NKAIN3: variants seen among roughly 807,000 people sequenced by gnomAD.
NKAIN3 encodes sodium/potassium-transporting ATPase subunit beta-1-interacting protein 3.
A neutral mutation model predicts 30.2 loss-of-function variants in NKAIN3; 25 were observed. The ratio of observed to expected loss-of-function variants is 0.83; its 90% CI spans 0.60 to 1.16. The LOEUF is 1.16. NKAIN3 is among the 50% of genes most tolerant of loss of function. The pLI, the probability that NKAIN3 is intolerant of heterozygous loss-of-function variation, is 0.00. For missense variants in NKAIN3, 225 were observed against 254.1 expected (o/e 0.89, Z 0.78); for synonymous variants, 91 against 89.6 (o/e 1.02, Z -0.09).
chr8:62,706,246 A>G (rs1411920197), intron 3 of NKAIN3, among the ~76,000 whole-genome samples: 1 of 152,096 alleles, frequency 6.6e-6, no homozygotes, highest in Non-Finnish European at 1.5e-5. Context: ...TCAGTATGGT[A>G]CATACACACA....
chr8:62,585,262 C>T (rs1030658985), intron 2 of NKAIN3, among the ~76,000 whole-genome samples: 1 of 152,134 alleles, frequency 6.6e-6, no homozygotes, highest in Non-Finnish European at 1.5e-5. Context: ...GGAGGCCTCT[C>T]GGCAAAGACT....
chr8:62,608,197 G>A (rs940908278), intron 3 of NKAIN3, among the ~76,000 whole-genome samples: 1 of 152,044 alleles, frequency 6.6e-6, no homozygotes, highest in African/African-American at 2.4e-5. Flanking sequence ...GGCAATTCTT[G>A]TATTTTGCTT....
chr8:62,599,235 C>A (rs1810920872), intron 3 of NKAIN3, among the ~76,000 whole-genome samples: 1 of 152,032 alleles, frequency 6.6e-6, no homozygotes, highest in Non-Finnish European at 1.5e-5. Context: ...TTTGTTACCG[C>A]AGGCTTGAGT....
At chr8:62,795,788 A>T (rs1817842157) in intron 4 of NKAIN3, among the ~76,000 whole-genome samples, 1 of 152,166 alleles carries the variant, frequency 6.6e-6, no homozygotes, top group African/African-American at 2.4e-5. Context: ...AGGCCCAGAA[A>T]ATCATTATTG....
At chr8:62,802,435 A>T (rs1586212034) in intron 4 of NKAIN3, among the ~76,000 whole-genome samples, 1 of 152,364 alleles carries the variant, frequency 6.6e-6, no homozygotes, top group East Asian at 1.9e-4. Flanking sequence ...CAGAAACTCT[A>T]CAAGCCAGAA....
chr8:62,867,687 G>A (rs141606375), intron 4 of NKAIN3, among the ~76,000 whole-genome samples: 499 of 152,280 alleles, frequency 3.3e-3, no homozygotes, highest in African/African-American at 0.012. Flanking sequence ...ATACTAAAAC[G>A]CACTGCCCAG....
At chr8:62,500,458 AAAGAAAGAAAG>A (rs2129673653) in intron 1 of NKAIN3, among the ~76,000 whole-genome samples, 1 of 142,194 alleles carries the variant, frequency 7.0e-6, no homozygotes, top group African/African-American at 2.9e-5. Flanking sequence ...AGAAAGAAAG[AAAGAAAGAAAG>A]AAAGAAAGAA....
chr8:62,344,480 C>G (rs1316335722), intron 1 of NKAIN3, among the ~76,000 whole-genome samples: 1 of 151,992 alleles, frequency 6.6e-6, no homozygotes, highest in East Asian at 1.9e-4. Context: ...CTAGATTACC[C>G]TTATTTAGCT....
chr8:62,270,644 T>A (rs1154592), intron 1 of NKAIN3, among the ~76,000 whole-genome samples: 92,343 of 151,944 alleles, frequency 0.61, 28,233 homozygotes, highest in East Asian at 0.68. Context: ...TGTGCAATAT[T>A]TCACAAAGAA....
chr8:62,865,688 G>T (rs559409700), intron 4 of NKAIN3, among the ~76,000 whole-genome samples: 87 of 152,092 alleles, frequency 5.7e-4, no homozygotes, highest in African/African-American at 1.9e-3. Flanking sequence ...CTATATTATT[G>T]ATAACCTTAA....
At chr8:62,422,060 G>A (rs1217486787) in intron 1 of NKAIN3, among the ~76,000 whole-genome samples, 1 of 152,090 alleles carries the variant, frequency 6.6e-6, no homozygotes, top group Non-Finnish European at 1.5e-5. Flanking sequence ...TCAAGAGTAT[G>A]ATAATATTCT....
chr8:62,350,291 A>G (rs1816139293), intron 1 of NKAIN3, among the ~76,000 whole-genome samples: 1 of 152,240 alleles, frequency 6.6e-6, no homozygotes, highest in African/African-American at 2.4e-5. Flanking sequence ...ACCCTTAAAA[A>G]GGAATGTAAT....
At chr8:62,332,922 A>C (rs1815403067) in intron 1 of NKAIN3, among the ~76,000 whole-genome samples, 1 of 152,100 alleles carries the variant, frequency 6.6e-6, no homozygotes, top group Non-Finnish European at 1.5e-5. Context: ...GCTACTTGGG[A>C]GAATGAGGTT....
intron 1 of NKAIN3, among the ~76,000 whole-genome samples, chr8:62,367,078 T>C (rs1446210596): frequency 6.6e-6 from 1 of 152,216 alleles, no homozygotes; most frequent in Non-Finnish European, 1.5e-5. Context: ...TTCAGTCTTC[T>C]TAAATTTGTT....
chr8:62,931,791 G>C (rs1822626067), intron 5 of NKAIN3, among the ~76,000 whole-genome samples: 1 of 152,112 alleles, frequency 6.6e-6, no homozygotes, highest in Non-Finnish European at 1.5e-5. Context: ...GTCTCATTTT[G>C]GTTGGTTTAA....
intron 1 of NKAIN3, among the ~76,000 whole-genome samples, chr8:62,417,855 T>A (rs1396424091): frequency 6.6e-6 from 1 of 152,196 alleles, no homozygotes; most frequent in Non-Finnish European, 1.5e-5. Flanking sequence ...AAATTCCTTG[T>A]ATATTCTGCT....
At chr8:62,914,510 A>C (rs895237643) in intron 4 of NKAIN3, among the ~76,000 whole-genome samples, 36 of 152,168 alleles carry the variant, frequency 2.4e-4, no homozygotes, top group Non-Finnish European at 5.9e-5. Flanking sequence ...TTAAATAAAT[A>C]AATAAAATAA....
At chr8:62,856,421 C>T in intron 4 of NKAIN3, 1 of 793,860 alleles carries the variant, frequency 1.3e-6, no homozygotes, top group South Asian at 1.3e-5. Flanking sequence ...TCCTCATCCT[C>T]TGCTATGCTG....
chr8:62,359,765 C>T (rs141166486), intron 1 of NKAIN3, among the ~76,000 whole-genome samples: 59 of 152,340 alleles, frequency 3.9e-4, no homozygotes, highest in African/African-American at 1.3e-3. Flanking sequence ...TAGGGCTACA[C>T]AGACAGCACA....
Sources: gnomAD v4.1 joint callset for allele counts (sites outside exome capture counted in the v4.1 genomes callset) on GRCh38, gnomAD v4.1.1 for gene constraint, MANE v1.5 for transcripts, NCBI Gene and HGNC (gene_info 2026-07-23, HGNC 2026-07-21) for gene names.